The following PHLPP1 variants were observed in gnomAD, a reference collection of about 807,000 sequenced individuals.
PHLPP1 encodes PH domain leucine-rich repeat-containing protein phosphatase 1.
PHLPP1 carries 42 observed loss-of-function variants against 117.2 expected under a neutral mutation model. The ratio of observed to expected loss-of-function variants is 0.36; its 90% confidence interval spans 0.28 to 0.46. The LOEUF (loss-of-function observed/expected upper bound fraction) is 0.46. PHLPP1 is among the 20% of genes least tolerant of loss of function. The pLI, the probability that PHLPP1 is intolerant of heterozygous loss-of-function variation, is 1.00. For synonymous variants in PHLPP1, 1,042 were observed against 970.7 expected (o/e 1.07, Z -1.37); for missense variants, 2,084 against 2,241.9 (o/e 0.93, Z 1.42).
chr18:62,894,949 A>G, intron 4 of PHLPP1, 62 bp from the exon 5 acceptor site: 1 of 1,384,278 alleles, frequency 7.2e-7, no homozygotes, highest in South Asian at 1.3e-5. Flanking sequence ...AGGCTATGCT[A>G]AAATTATGAT....
At chr18:62,747,443 G>A (rs923224618) in intron 1 of PHLPP1, among the ~76,000 whole-genome samples, 15 of 151,462 alleles carry the variant, frequency 9.9e-5, no homozygotes, top group South Asian at 4.2e-4. Context: ...GCGCCCAGCC[G>A]ATTTTTGTCT....
At chr18:62,771,611 T>C (rs1912781036) in intron 1 of PHLPP1, among the ~76,000 whole-genome samples, 1 of 152,228 alleles carries the variant, frequency 6.6e-6, no homozygotes, top group East Asian at 1.9e-4. Flanking sequence ...TGAGCTTTTT[T>C]AGGAGAGAAG....
At chr18:62,791,962 T>C (rs1340174874) in intron 1 of PHLPP1, among the ~76,000 whole-genome samples, 4 of 151,570 alleles carry the variant, frequency 2.6e-5, no homozygotes, top group Non-Finnish European at 5.9e-5. Context: ...TTTTTTTTTT[T>C]CCTGGAGACA....
At chr18:62,939,638 CTTTT>C (rs11373386) in intron 10 of PHLPP1, among the ~76,000 whole-genome samples, 2 of 143,638 alleles carry the variant, frequency 1.4e-5, no homozygotes, top group Non-Finnish European at 3.0e-5. Context: ...CTCTAACTTC[CTTTT>C]TTTTTTTTTT....
intron 1 of PHLPP1, among the ~76,000 whole-genome samples, chr18:62,827,525 TCCCCAGGG>T (rs1914642748): frequency 6.6e-6 from 1 of 152,104 alleles, no homozygotes; most frequent in Non-Finnish European, 1.5e-5. Context: ...ATCTCCATAT[TCCCCAGGG>T]CCCACTTAGT....
chr18:62,844,609 G>A (rs1019261089), intron 3 of PHLPP1, among the ~76,000 whole-genome samples: 3 of 151,994 alleles, frequency 2.0e-5, no homozygotes, highest in African/African-American at 7.3e-5. Context: ...ACATTATTTC[G>A]CTCACAACTA....
intron 1 of PHLPP1, among the ~76,000 whole-genome samples, chr18:62,803,145 G>A (rs1913834388): frequency 2.0e-5 from 3 of 152,170 alleles, no homozygotes; most frequent in African/African-American, 7.2e-5. Context: ...CTCTGGATAT[G>A]TTAAGGGTTC....
chr18:62,967,353 G>C (rs73963643), intron 14 of PHLPP1, among the ~76,000 whole-genome samples: 7 of 152,112 alleles, frequency 4.6e-5, no homozygotes, highest in Non-Finnish European at 1.0e-4. Flanking sequence ...ATCATTTCGC[G>C]CTCCCAACAG....
chr18:62,759,989 C>T (rs1418028722), intron 1 of PHLPP1, among the ~76,000 whole-genome samples: 2 of 152,148 alleles, frequency 1.3e-5, no homozygotes, highest in African/African-American at 2.4e-5. Context: ...AGACCTGTGT[C>T]TCTTTGCCCC....
chr18:62,743,519 C>T (rs181318874), intron 1 of PHLPP1, among the ~76,000 whole-genome samples: 10 of 152,110 alleles, frequency 6.6e-5, no homozygotes, highest in African/African-American at 1.4e-4. Flanking sequence ...ACTTAAGTAT[C>T]GCCATACAGA....
chr18:62,889,360 C>G (rs1412147458), intron 4 of PHLPP1, among the ~76,000 whole-genome samples: 1 of 152,090 alleles, frequency 6.6e-6, no homozygotes, highest in Non-Finnish European at 1.5e-5. Context: ...AGCCACATAC[C>G]ATATATCTGA....
intron 7 of PHLPP1, 52 bp from the exon 8 acceptor site, chr18:62,905,172 C>G: frequency 1.7e-6 from 2 of 1,152,882 alleles, no homozygotes; most frequent in Non-Finnish European, 2.4e-6. Flanking sequence ...AAAAGAGTCT[C>G]TATGTCATTT....
intron 1 of PHLPP1, among the ~76,000 whole-genome samples, chr18:62,729,423 G>A (rs1033062594): frequency 1.3e-5 from 2 of 152,174 alleles, no homozygotes; most frequent in Admixed American, 6.5e-5. Flanking sequence ...GAAGCTGGGC[G>A]TGGTGGCTCA....
At chr18:62,846,801 GTT>G (rs1915194273) in intron 3 of PHLPP1, among the ~76,000 whole-genome samples, 1 of 152,118 alleles carries the variant, frequency 6.6e-6, no homozygotes, top group Non-Finnish European at 1.5e-5. Flanking sequence ...ATTGTATTAA[GTT>G]TTTGTTACAC....
chr18:62,923,579 G>A (rs1909539111), intron 10 of PHLPP1, among the ~76,000 whole-genome samples: 1 of 152,114 alleles, frequency 6.6e-6, no homozygotes, highest in South Asian at 2.1e-4. Context: ...TAGAAGATAA[G>A]AAAAATCATA....
intron 1 of PHLPP1, among the ~76,000 whole-genome samples, chr18:62,750,483 A>G (rs772974427): frequency 4.5e-4 from 69 of 152,298 alleles, no homozygotes; most frequent in Admixed American, 1.0e-3. Flanking sequence ...ACGTAGGAGA[A>G]AAAGAAAAAG....
intron 1 of PHLPP1, among the ~76,000 whole-genome samples, chr18:62,725,255 G>A (rs866093350): frequency 1.6e-4 from 25 of 151,644 alleles, no homozygotes; most frequent in African/African-American, 5.3e-4. Flanking sequence ...AGCTACTCCA[G>A]AGGCTGGGGC....
At chr18:62,730,790 C>T (rs958324094) in intron 1 of PHLPP1, among the ~76,000 whole-genome samples, 1 of 70,608 alleles carries the variant, frequency 1.4e-5, no homozygotes, top group Non-Finnish European at 2.9e-5. Context: ...AACTTTGTCT[C>T]AAAAAAAAAA....
chr18:62,920,113 A>G lies in PHLPP1; in HGVS notation c.2959A>G (p.Ser987Gly). Reference protein sequence around the residue: ...LPPNLLMKADSLRFLNASANK... With the variant: ...LPPNLLMKADGLRFLNASANK... ...ACCTAACCTTCTGATGAAGGCTGAC[A>G]GGTAAAGCCATTTGTCTTGTTTATC... The change falls in exon 10 of 17, where the codon AGC becomes GGC. Residue 987 changes from serine (S) to glycine (G), a missense_variant and splice_region_variant. Transcript: ENST00000262719. 6.2e-7 allele frequency: 1 copy of G among 1,612,944 alleles called. No individual in the cohort carries two copies. The highest frequency in any genetic ancestry group is 8.5e-7 in the Non-Finnish European group (1 of 1,179,280).
Sources: gnomAD v4.1 joint callset for allele counts (sites outside exome capture counted in the v4.1 genomes callset) on GRCh38, gnomAD v4.1.1 for gene constraint, MANE v1.5 for transcripts, NCBI Gene and HGNC (gene_info 2026-07-23, HGNC 2026-07-21) for gene names.